Variants in NR3C2 observed in about 807,000 individuals in gnomAD.
NR3C2 encodes nuclear receptor subfamily 3 group C member 2.
Under a neutral mutation model 86.4 loss-of-function variants are expected in NR3C2, and 15 were observed. That is an observed-to-expected ratio of 0.17 (90% CI 0.12 to 0.27). The LOEUF is 0.27. Ranked by LOEUF, NR3C2 falls within the 10% of genes least tolerant of loss-of-function variation. NR3C2 has a pLI of 1.00. For missense variants in NR3C2, 960 were observed against 1,195.6 expected, an observed-to-expected ratio of 0.80 and a Z score of 2.91; for synonymous variants, 458 against 450.5, an observed-to-expected ratio of 1.02 and a Z score of -0.21.
At chr4:148,248,991 A>G (rs61758926) in intron 3 of NR3C2, among the ~76,000 whole-genome samples, 1,960 of 152,324 alleles carry the variant, frequency 0.013, 17 homozygotes, top group Non-Finnish European at 0.02. Context: ...ACAGACAAGG[A>G]AACAGACTTA....
intron 8 of NR3C2, among the ~76,000 whole-genome samples, chr4:148,090,643 A>T: frequency 6.6e-6 from 1 of 152,214 alleles, no homozygotes; most frequent in Non-Finnish European, 1.5e-5. Context: ...AGCATTGAGC[A>T]TCACCCAGGA....
chr4:148,113,914 A>G (rs1174090348), intron 8 of NR3C2, among the ~76,000 whole-genome samples, 190 bp downstream of exon 8: 1 of 152,196 alleles, frequency 6.6e-6, no homozygotes, highest in East Asian at 1.9e-4. Context: ...TAAGTACCCA[A>G]TAAACCCTAT....
rs144032514 is a variant in NR3C2 at position 148,303,238 on chromosome 4, T to G, written c.1758-43121A>C. Among the ~76,000 whole-genome samples, 606 of 152,340 alleles carry G rather than the reference T, an allele frequency of 4.0e-3. 3 individuals carry two copies. Among genetic ancestry groups the G allele is most frequent in the African/African-American group, 8.3e-3 (346 of 41,578 alleles). On this transcript the variant is annotated intron_variant, in intron 2 of 8. Transcript: ENST00000358102. Reference sequence around the variant, plus strand: ...CATTAGTTGTTTTTAAGTTTTTGCCTACATTTTAGACTAACCCTGCTTATT... The same window carrying G: ...CATTAGTTGTTTTTAAGTTTTTGCCGACATTTTAGACTAACCCTGCTTATT...
chr4:148,318,045 T>G (rs1227217099), intron 2 of NR3C2, among the ~76,000 whole-genome samples: 2 of 119,324 alleles, frequency 1.7e-5, no homozygotes, highest in Non-Finnish European at 3.3e-5. Flanking sequence ...CCCACAACAG[T>G]CCCCAGAGTG....
In NR3C2 at chr4:148,259,963, C is replaced by T. The variant is rs758901652; in HGVS notation, c.1897+15G>A. 6.2e-7 allele frequency: 1 copy of T among 1,613,984 alleles called. No homozygotes were observed. The highest frequency in any genetic ancestry group is 1.1e-5 in the South Asian group (1 of 91,070). On this transcript the variant is annotated intron_variant, in intron 3 of 8. Transcript: ENST00000358102. ...GGAAAAAATATGTAAAAGGAACACC[C>T]ACATGAACATTTACCTTCCACTGCT...
At position 148,117,370 on chromosome 4, in the gene NR3C2, G is replaced by A. The variant is rs186453155; in HGVS notation, c.2641+2788C>T. On this transcript the variant is annotated intron_variant, in intron 7 of 8. Transcript: ENST00000358102. ...TATGGAGTCTGCGATTTTGCCTTTT[G>A]GACACTCTGCCCTCGCTGCTGCCAT... Among the ~76,000 whole-genome samples the A allele has an allele frequency of 3.3e-3, 496 of 152,206 alleles. 4 individuals carry two copies. Among genetic ancestry groups the A allele is most frequent in the African/African-American group, 0.012 (478 of 41,526 alleles).
At chr4:148,111,896 C>G (rs960706559) in intron 8 of NR3C2, among the ~76,000 whole-genome samples, 1 of 152,166 alleles carries the variant, frequency 6.6e-6, no homozygotes, top group Non-Finnish European at 1.5e-5. Context: ...TATTCGCTAT[C>G]TTGATTGTGG....
intron 3 of NR3C2, among the ~76,000 whole-genome samples, chr4:148,199,847 A>G (rs1458494696): frequency 6.6e-6 from 1 of 152,186 alleles, no homozygotes; most frequent in Non-Finnish European, 1.5e-5. Context: ...AAATCTCCCT[A>G]TGTAACAAAC....
At chr4:148,222,689 C>T (rs1737923136) in intron 3 of NR3C2, among the ~76,000 whole-genome samples, 1 of 152,120 alleles carries the variant, frequency 6.6e-6, no homozygotes, top group Non-Finnish European at 1.5e-5. Flanking sequence ...GATAGAGACA[C>T]CTCATTTAAT....
intron 2 of NR3C2, among the ~76,000 whole-genome samples, chr4:148,260,670 T>C (rs1023110840): frequency 8.5e-5 from 13 of 152,222 alleles, no homozygotes; most frequent in African/African-American, 2.7e-4. Flanking sequence ...TTATCTTATA[T>C]AGATGTGTTC....
chr4:148,425,463 A>C (rs1292717072), intron 2 of NR3C2, among the ~76,000 whole-genome samples: 1 of 152,178 alleles, frequency 6.6e-6, no homozygotes, highest in East Asian at 1.9e-4. Flanking sequence ...AACTAATCCT[A>C]AGTGACAAGA....
chr4:148,171,754 G>T (rs1323510791), intron 4 of NR3C2, among the ~76,000 whole-genome samples: 1 of 152,128 alleles, frequency 6.6e-6, no homozygotes. Flanking sequence ...TCAGCTGGAA[G>T]GCTTCTCTAT....
In NR3C2 at chr4:148,090,261, C is replaced by T. The variant is rs538713485; in HGVS notation, c.2800-8762G>A. 1.9e-4 allele frequency among the ~76,000 whole-genome samples: 29 copies of T among 152,200 alleles called. No homozygotes were observed. The South Asian group carries it at 3.1e-3, about 16-fold the overall frequency. Reference sequence around the variant, plus strand: ...AGAAAGGCAGGTGCTGCTAGTGTGACGAGGGAAGGGAGGAGGTGCAGTTCA... The same window carrying T: ...AGAAAGGCAGGTGCTGCTAGTGTGATGAGGGAAGGGAGGAGGTGCAGTTCA... On this transcript the variant is annotated intron_variant, in intron 8 of 8. Coordinates refer to ENST00000358102, the MANE Select transcript of NR3C2 (RefSeq NM_000901.5).
chr4:148,109,040 T>C (rs1479254283), intron 8 of NR3C2, among the ~76,000 whole-genome samples: 1 of 152,140 alleles, frequency 6.6e-6, no homozygotes, highest in East Asian at 1.9e-4. Flanking sequence ...CTCCTCATAA[T>C]GGCAGCGTCC....
At chr4:148,169,881 A>G (rs1340248040) in intron 4 of NR3C2, among the ~76,000 whole-genome samples, 1 of 152,188 alleles carries the variant, frequency 6.6e-6, no homozygotes, top group African/African-American at 2.4e-5. Context: ...CAAACTTCCC[A>G]TGTGATTTTT....
intron 2 of NR3C2, among the ~76,000 whole-genome samples, chr4:148,353,964 T>C (rs561544070): frequency 1.3e-4 from 20 of 152,132 alleles, no homozygotes; most frequent in Non-Finnish European, 2.1e-4. Context: ...TTAAAAATGG[T>C]ATTACAGAGC....
At chr4:148,313,553 C>T (rs750268601) in intron 2 of NR3C2, among the ~76,000 whole-genome samples, 64 of 152,204 alleles carry the variant, frequency 4.2e-4, no homozygotes, top group Non-Finnish European at 7.2e-4. Context: ...TAGATATTAT[C>T]GGTCGTGCTT....
chr4:148,231,897 C>A (rs1046711779), intron 3 of NR3C2, among the ~76,000 whole-genome samples: 2 of 152,164 alleles, frequency 1.3e-5, no homozygotes, highest in Non-Finnish European at 2.9e-5. Flanking sequence ...AAACCACTTT[C>A]TTTCCTCATC....
At chr4:148,300,110 G>A (rs576141995) in intron 2 of NR3C2, among the ~76,000 whole-genome samples, 1 of 152,342 alleles carries the variant, frequency 6.6e-6, no homozygotes, top group South Asian at 2.1e-4. Flanking sequence ...CAGCAAACTG[G>A]TTAGTGGCAA....
Sources: allele counts gnomAD v4.1 joint callset (sites outside exome capture counted in the v4.1 genomes callset), GRCh38; gene constraint gnomAD v4.1.1; transcripts MANE v1.5; gene names NCBI Gene and HGNC (gene_info 2026-07-23, HGNC 2026-07-21).